Variants in COL6A5 observed in about 807,000 individuals in gnomAD.
COL6A5 encodes the protein collagen alpha-5(VI) chain.
A neutral mutation model predicts 65.6 loss-of-function variants in COL6A5; 48 were observed. That is an observed-to-expected ratio of 0.73 (90% CI 0.58 to 0.93). The LOEUF (loss-of-function observed/expected upper bound fraction) is 0.93. COL6A5 is among the 40% of genes least tolerant of loss of function. The probability of loss-of-function intolerance (pLI) is 0.00; values close to 1 mark genes in which losing one functional copy is unlikely to be tolerated. For synonymous variants in COL6A5, 291 were observed against 322.8 expected, an observed-to-expected ratio of 0.90 and a Z score of 1.05; for missense variants, 914 against 928.3, an observed-to-expected ratio of 0.98 and a Z score of 0.20.
At chr3:130,468,919 T>A (rs749209048) in exon 6 of COL6A5, 10 of 1,612,492 alleles carry the variant, frequency 6.2e-6, no homozygotes, top group Middle Eastern at 1.6e-4. Context: ...TAGGAAGTGA[T>A]GAGTTTAAGG....
At chr3:130,352,428 C>T (rs1934756924) in intron 1 of COL6A5, among the ~76,000 whole-genome samples, 1 of 151,698 alleles carries the variant, frequency 6.6e-6, no homozygotes, top group Non-Finnish European at 1.5e-5. Flanking sequence ...TTATTGGCAA[C>T]TGGATTCTTT....
intron 7 of COL6A5, among the ~76,000 whole-genome samples, chr3:130,480,331 G>T (rs577995660): frequency 5.3e-5 from 8 of 151,938 alleles, no homozygotes; most frequent in Non-Finnish European, 8.8e-5. Context: ...TTAATGTATA[G>T]AAGCTTATCG....
intron 1 of COL6A5, among the ~76,000 whole-genome samples, chr3:130,368,548 T>A (rs541477562): frequency 1.5e-4 from 23 of 149,094 alleles, no homozygotes; most frequent in African/African-American, 2.7e-4. Context: ...TGTGAGAGAG[T>A]GTGTGTGTGT....
chr3:130,468,697 C>T, intron 5 of COL6A5, 98 bp from the exon 38 acceptor site: 2 of 777,296 alleles, frequency 2.6e-6, no homozygotes, highest in Non-Finnish European at 4.1e-6. Context: ...GGAAATGCAG[C>T]ATGGTAATAA....
At position 130,389,412 on chromosome 3, in the gene COL6A5, C is replaced by T. The variant is rs367763691; in HGVS notation, c.2416+278C>T. On this transcript the variant is annotated intron_variant and NMD_transcript_variant, in intron 6 of 41. Coordinates refer to the COL6A5 transcript ENST00000312481. ...TTTAAACTTACAAATCTTTAATACC[C>T]ACATGCCTGGATTTTCCAGAGCCAG... Among the ~76,000 whole-genome samples the T allele has an allele frequency of 8.0e-4, 122 of 152,088 alleles. 1 individual carries two copies. The South Asian group carries it at 0.025, about 31-fold the overall frequency.
chr3:130,388,758 C>A, exon 6 of COL6A5: 1 of 1,551,236 alleles, frequency 6.4e-7, no homozygotes, highest in Non-Finnish European at 8.7e-7. Context: ...AGGAAGAGTT[C>A]CAGCTTAATA....
At chr3:130,426,625 C>T (rs545068354), upstream of COL6A5, among the ~76,000 whole-genome samples, 55 of 152,118 alleles carry the variant, frequency 3.6e-4, no homozygotes, top group African/African-American at 1.3e-3. Flanking sequence ...ATGCAGACAT[C>T]AAGAGAAAAC....
chr3:130,446,932 G>A (rs867006732), intron 4 of COL6A5, among the ~76,000 whole-genome samples: 2 of 152,106 alleles, frequency 1.3e-5, no homozygotes, highest in Non-Finnish European at 2.9e-5. Context: ...AGTAAACAAT[G>A]CCAAATGTAA....
At position 130,363,663 on chromosome 3, in the gene COL6A5, A is replaced by G. The variant is rs538049425; in HGVS notation, c.-28-9948A>G. Among the ~76,000 whole-genome samples the G allele has an allele frequency of 2.0e-5, 3 of 152,350 alleles. No individual in the cohort carries two copies. The South Asian group carries it at 6.2e-4, about 32-fold the overall frequency. ...GTTTCCATTCCCCTCACCCTGCTGA[A>G]TAATGAGAAATTTTTTCTTTTATCT... On this transcript the variant is annotated intron_variant and NMD_transcript_variant, in intron 1 of 41. Transcript: ENST00000312481.
exon 3 of COL6A5, chr3:130,440,287 A>G (rs745979626): frequency 8.7e-6 from 14 of 1,613,336 alleles, no homozygotes; most frequent in Middle Eastern, 1.6e-4. Flanking sequence ...AGGCTGTGAA[A>G]GCCTTGGTGA....
chr3:130,362,318 ATATATATATTTTTTTTTT>A (rs1330595955), intron 1 of COL6A5, among the ~76,000 whole-genome samples: 2 of 4,386 alleles, frequency 4.6e-4, no homozygotes, highest in Non-Finnish European at 1.2e-3. Context: ...ATATATATAT[ATATATATATTTTTTTTTT>A]TTTTTTTTTT....
intron 5 of COL6A5, among the ~76,000 whole-genome samples, chr3:130,458,703 T>C (rs1577530997): frequency 6.6e-6 from 1 of 152,244 alleles, no homozygotes; most frequent in Non-Finnish European, 1.5e-5. Flanking sequence ...CCAGGTGAAG[T>C]AGATTATAAT....
chr3:130,395,542 C>A, intron 8 of COL6A5, 77 bp downstream of exon 8: 1 of 1,051,368 alleles, frequency 9.5e-7, no homozygotes, highest in Non-Finnish European at 1.4e-6. Flanking sequence ...TATGGGCTAG[C>A]TCTAGCAGAG....
chr3:130,443,527 T>C (rs781731906), exon 4 of COL6A5: 2 of 1,611,542 alleles, frequency 1.2e-6, no homozygotes, highest in East Asian at 4.5e-5. Flanking sequence ...TGTAGACTCA[T>C]CAATTTAGGA....
chr3:130,419,225 G>A (rs750958318), intron 25 of COL6A5, among the ~76,000 whole-genome samples: 6 of 152,006 alleles, frequency 3.9e-5, no homozygotes, highest in Non-Finnish European at 8.8e-5. Flanking sequence ...ATGCATATCC[G>A]TTGAAAAACA....
chr3:130,397,709 A>G (rs1218250000), exon 9 of COL6A5: 1 of 1,550,390 alleles, frequency 6.4e-7, no homozygotes, highest in South Asian at 1.2e-5. Flanking sequence ...AGCTCTATCA[A>G]GGGGGTGAGC....
intron 1 of COL6A5, among the ~76,000 whole-genome samples, chr3:130,372,316 C>T (rs1333908310): frequency 6.6e-6 from 1 of 151,774 alleles, no homozygotes; most frequent in African/African-American, 2.4e-5. Context: ...TCCTAGGTAC[C>T]TAGTCCAGAT....
At chr3:130,445,900 A>G (rs2107707975) in intron 4 of COL6A5, among the ~76,000 whole-genome samples, 1 of 152,286 alleles carries the variant, frequency 6.6e-6, no homozygotes, top group South Asian at 2.1e-4. Context: ...GAGTTAACAC[A>G]GTCTTCCCAA....
chr3:130,454,225 T>A (rs982993437), intron 4 of COL6A5, among the ~76,000 whole-genome samples: 1 of 84,976 alleles, frequency 1.2e-5, no homozygotes. Flanking sequence ...TTTGTCAAAA[T>A]GGAATTTTTA....
Sources: gnomAD v4.1 joint callset for allele counts (sites outside exome capture counted in the v4.1 genomes callset) on GRCh38, gnomAD v4.1.1 for gene constraint, MANE v1.5 for transcripts, NCBI Gene and HGNC (gene_info 2026-07-23, HGNC 2026-07-21) for gene names.